NR3C2: variants seen among roughly 807,000 people sequenced by gnomAD.
The protein encoded by NR3C2 is nuclear receptor subfamily 3 group C member 2, also known as mineralocorticoid receptor.
Under a neutral mutation model 86.4 loss-of-function variants are expected in NR3C2, and 15 were observed. The observed-to-expected ratio is 0.17, with a 90% CI of 0.12 to 0.27. The LOEUF (loss-of-function observed/expected upper bound fraction) is 0.27, where lower values mean the gene tolerates loss of function less well. Among genes scored for constraint, NR3C2 ranks in the 10% least tolerant of loss-of-function variants. The pLI, the probability that NR3C2 is intolerant of heterozygous loss-of-function variation, is 1.00. For missense variants in NR3C2, 960 were observed against 1,195.6 expected, an observed-to-expected ratio of 0.80 and a Z score of 2.91; for synonymous variants, 458 against 450.5, an observed-to-expected ratio of 1.02 and a Z score of -0.21.
At chr4:148,313,829 G>A (rs1230055997) in intron 2 of NR3C2, among the ~76,000 whole-genome samples, 1 of 152,174 alleles carries the variant, frequency 6.6e-6, no homozygotes, top group Non-Finnish European at 1.5e-5. Context: ...CTCTTGCTAA[G>A]TTCAACAGTA....
chr4:148,237,106 C>T (rs912890635), intron 3 of NR3C2, among the ~76,000 whole-genome samples: 2 of 152,176 alleles, frequency 1.3e-5, no homozygotes, highest in East Asian at 1.9e-4. Flanking sequence ...TTAATGAATA[C>T]TGAATTTAGC....
intron 2 of NR3C2, among the ~76,000 whole-genome samples, chr4:148,312,331 C>CTA (rs993090816): frequency 2.6e-5 from 4 of 151,734 alleles, no homozygotes; most frequent in African/African-American, 9.7e-5. Context: ...GGTAGAAATG[C>CTA]TATATATATA....
chr4:148,265,130 G>A (rs967073092), intron 2 of NR3C2, among the ~76,000 whole-genome samples: 10 of 152,152 alleles, frequency 6.6e-5, no homozygotes, highest in African/African-American at 2.2e-4. Flanking sequence ...TATAAAGGCA[G>A]AAATGAGTGA....
intron 3 of NR3C2, among the ~76,000 whole-genome samples, chr4:148,249,272 G>A (rs1195377662): frequency 1.3e-5 from 2 of 151,814 alleles, no homozygotes; most frequent in Non-Finnish European, 2.9e-5. Flanking sequence ...AAGGGATTGA[G>A]AGGAAGGAGG....
intron 4 of NR3C2, among the ~76,000 whole-genome samples, chr4:148,190,535 C>T (rs947214159): frequency 1.3e-5 from 2 of 152,134 alleles, no homozygotes; most frequent in Non-Finnish European, 2.9e-5. Context: ...GTTCTGTATA[C>T]ATCTGTTAAG....
At chr4:148,198,846 C>T (rs562937307) in intron 3 of NR3C2, among the ~76,000 whole-genome samples, 4 of 151,470 alleles carry the variant, frequency 2.6e-5, no homozygotes, top group Non-Finnish European at 4.4e-5. Flanking sequence ...TTTGGGAGGC[C>T]GAGGTGGGTG....
chr4:148,134,635 CTCTCTCTCTTT>C (rs1463949271), intron 6 of NR3C2, among the ~76,000 whole-genome samples: 1 of 67,652 alleles, frequency 1.5e-5, no homozygotes, highest in African/African-American at 4.8e-5. Flanking sequence ...TTCTCTCTCT[CTCTCTCTCTTT>C]TTTTTTTTTT....
At chr4:148,158,907 G>C (rs1734527861) in intron 4 of NR3C2, among the ~76,000 whole-genome samples, 1 of 152,108 alleles carries the variant, frequency 6.6e-6, no homozygotes, top group Non-Finnish European at 1.5e-5. Context: ...AATATATGTA[G>C]GACACTTGGA....
intron 2 of NR3C2, among the ~76,000 whole-genome samples, chr4:148,396,066 C>T (rs1433205640): frequency 6.6e-6 from 1 of 152,112 alleles, no homozygotes; most frequent in African/African-American, 2.4e-5. Context: ...TTGGTCAGTA[C>T]CATCTATTTA....
chr4:148,136,851 G>T (rs1465678397), intron 6 of NR3C2, among the ~76,000 whole-genome samples: 1 of 152,040 alleles, frequency 6.6e-6, no homozygotes, highest in Non-Finnish European at 1.5e-5. Context: ...ACCTTGTTGG[G>T]CCACCATTTA....
Position 148,409,062 on chromosome 4 carries a change from C to T in NR3C2, c.1757+26042G>A, listed in dbSNP as rs534382890. 7.2e-5 allele frequency among the ~76,000 whole-genome samples: 11 copies of T among 152,224 alleles called. No homozygotes were observed. In the East Asian group the frequency reaches 1.7e-3, roughly 24 times the overall value. ...TTGTTGTAAATGTTTGTCCAAATTTCTCATTATTCCCCTAGGATCGTTTCC... is the reference window on the plus strand; with the variant it reads ...TTGTTGTAAATGTTTGTCCAAATTTTTCATTATTCCCCTAGGATCGTTTCC... On this transcript the variant is annotated intron_variant, in intron 2 of 8. Coordinates refer to ENST00000358102, the MANE Select transcript of NR3C2 (RefSeq NM_000901.5).
intron 2 of NR3C2, among the ~76,000 whole-genome samples, chr4:148,281,965 G>A (rs1296509961): frequency 6.6e-6 from 1 of 152,224 alleles, no homozygotes; most frequent in Admixed American, 6.5e-5. Flanking sequence ...AGTGGGCCTT[G>A]AAGCATTGGT....
chr4:148,401,052 C>A (rs1748136354), intron 2 of NR3C2, among the ~76,000 whole-genome samples: 1 of 152,180 alleles, frequency 6.6e-6, no homozygotes, highest in South Asian at 2.1e-4. Context: ...TCACTATGTT[C>A]CAGGTGCTGG....
At chr4:148,259,143 G>C (rs1188476462) in intron 3 of NR3C2, among the ~76,000 whole-genome samples, 1 of 152,182 alleles carries the variant, frequency 6.6e-6, no homozygotes, top group Non-Finnish European at 1.5e-5. Context: ...TCATCTCTAA[G>C]AAAACTTCTC....
At chr4:148,396,452 C>T (rs1433112706) in intron 2 of NR3C2, among the ~76,000 whole-genome samples, 1 of 152,196 alleles carries the variant, frequency 6.6e-6, no homozygotes, top group East Asian at 1.9e-4. Context: ...CAAAGCACCT[C>T]TTGTTAACAA....
intron 2 of NR3C2, among the ~76,000 whole-genome samples, chr4:148,381,735 C>T (rs985943928): frequency 2.0e-5 from 3 of 152,214 alleles, no homozygotes; most frequent in Non-Finnish European, 2.9e-5. Context: ...CACTAACTCA[C>T]TCAGGGTATG....
chr4:148,142,326 CG>C (rs1346484524), intron 6 of NR3C2, among the ~76,000 whole-genome samples: 1 of 152,062 alleles, frequency 6.6e-6, no homozygotes, highest in Non-Finnish European at 1.5e-5. Context: ...CGAATGGCGA[CG>C]GAAGTGGCAG....
At chr4:148,317,796 GTCTA>G (rs1561037752) in intron 2 of NR3C2, among the ~76,000 whole-genome samples, 2 of 131,176 alleles carry the variant, frequency 1.5e-5, no homozygotes, top group Non-Finnish European at 3.1e-5. Flanking sequence ...ATGAAATTAA[GTCTA>G]TCTCATTTTT....
At chr4:148,148,846 T>A (rs114128726) in intron 6 of NR3C2, among the ~76,000 whole-genome samples, 1 of 152,190 alleles carries the variant, frequency 6.6e-6, no homozygotes, top group Non-Finnish European at 1.5e-5. Flanking sequence ...GAGAGAGGGA[T>A]TTTTTTTCTC....
Sources: allele counts gnomAD v4.1 joint callset (sites outside exome capture counted in the v4.1 genomes callset), GRCh38; gene constraint gnomAD v4.1.1; transcripts MANE v1.5; gene names NCBI Gene and HGNC (gene_info 2026-07-23, HGNC 2026-07-21).